THSD4: variants seen among roughly 807,000 people sequenced by gnomAD.
The protein encoded by THSD4 is thrombospondin type-1 domain-containing protein 4.
A neutral mutation model predicts 119.0 loss-of-function variants in THSD4; 69 were observed. The observed-to-expected ratio is 0.58, with a 90% CI of 0.48 to 0.71. THSD4 has a LOEUF of 0.71. Among genes scored for constraint, THSD4 ranks in the 30% least tolerant of loss-of-function variants. The pLI is 0.00. For missense variants in THSD4, 1,393 were observed against 1,391.1 expected (o/e 1.00, Z -0.02); for synonymous variants, 524 against 540.4 (o/e 0.97, Z 0.42).
intron 8 of THSD4, among the ~76,000 whole-genome samples, chr15:71,701,234 A>C (rs2052283001): frequency 6.6e-6 from 1 of 152,240 alleles, no homozygotes; most frequent in South Asian, 2.1e-4. Context: ...CCCAGGGGAA[A>C]AAGTACCAAT....
chr15:71,559,522 A>G (rs1409718560), intron 7 of THSD4, among the ~76,000 whole-genome samples: 2 of 151,092 alleles, frequency 1.3e-5, no homozygotes, highest in African/African-American at 4.9e-5. Flanking sequence ...TCAATCTGCC[A>G]TCTTGACCCT....
At chr15:71,730,918 A>C in intron 9 of THSD4, 1 of 559,408 alleles carries the variant, frequency 1.8e-6, no homozygotes, top group Non-Finnish European at 3.2e-6. Context: ...GCTCGGCCTA[A>C]GTTCTTCATT....
chr15:71,293,867 T>C (rs1289333788), intron 6 of THSD4, among the ~76,000 whole-genome samples: 1 of 152,116 alleles, frequency 6.6e-6, no homozygotes, highest in Non-Finnish European at 1.5e-5. Flanking sequence ...TCTAGGCTTT[T>C]GCTTCAGGCC....
At chr15:71,688,469 T>C (rs897245348) in intron 8 of THSD4, among the ~76,000 whole-genome samples, 44 of 152,208 alleles carry the variant, frequency 2.9e-4, no homozygotes, top group Admixed American at 7.9e-4. Context: ...AAAAGTAAAA[T>C]GCTAATGTGT....
intron 1 of THSD4, among the ~76,000 whole-genome samples, chr15:71,126,540 A>G (rs1360538010): frequency 6.6e-6 from 1 of 152,240 alleles, no homozygotes; most frequent in Non-Finnish European, 1.5e-5. Context: ...TAAAATGTCC[A>G]GGTTTCAATG....
At chr15:71,379,279 A>C (rs1228169000) in intron 6 of THSD4, among the ~76,000 whole-genome samples, 1 of 151,796 alleles carries the variant, frequency 6.6e-6, no homozygotes, top group East Asian at 1.9e-4. Flanking sequence ...TTCAGTTCTA[A>C]GGGGATTCTG....
intron 6 of THSD4, among the ~76,000 whole-genome samples, chr15:71,278,268 T>C (rs1475139185): frequency 6.6e-6 from 1 of 152,136 alleles, no homozygotes; most frequent in African/African-American, 2.4e-5. Flanking sequence ...TGATCATGGC[T>C]CATTGTAGCC....
intron 6 of THSD4, among the ~76,000 whole-genome samples, chr15:71,339,423 C>T (rs1395650321): frequency 6.6e-6 from 1 of 152,112 alleles, no homozygotes; most frequent in Non-Finnish European, 1.5e-5. Flanking sequence ...CTGTACTTTG[C>T]ACAAATGTCC....
chr15:71,572,883 G>A (rs1193008866), intron 7 of THSD4, among the ~76,000 whole-genome samples: 1 of 152,148 alleles, frequency 6.6e-6, no homozygotes, highest in Non-Finnish European at 1.5e-5. Flanking sequence ...GAGCCTGGCA[G>A]GGTTAGGTAT....
At chr15:71,198,710 GGAACCCC>G (rs1166266290) in intron 3 of THSD4, among the ~76,000 whole-genome samples, 1 of 152,136 alleles carries the variant, frequency 6.6e-6, no homozygotes, top group Non-Finnish European at 1.5e-5. Flanking sequence ...CTGGCATTCA[GGAACCCC>G]AGCTGGCATA....
At chr15:71,688,914 G>A (rs1336407955) in intron 8 of THSD4, among the ~76,000 whole-genome samples, 2 of 151,996 alleles carry the variant, frequency 1.3e-5, no homozygotes, top group African/African-American at 4.8e-5. Flanking sequence ...AGATGTTCCA[G>A]AACCACGTGC....
intron 6 of THSD4, among the ~76,000 whole-genome samples, chr15:71,362,715 T>A (rs1476718040): frequency 6.6e-6 from 1 of 152,222 alleles, no homozygotes; most frequent in Non-Finnish European, 1.5e-5. Context: ...GCTCTGGAGT[T>A]ACTGCCGACA....
intron 7 of THSD4, among the ~76,000 whole-genome samples, chr15:71,547,028 G>C (rs1335360825): frequency 1.3e-5 from 2 of 152,194 alleles, no homozygotes; most frequent in African/African-American, 4.8e-5. Flanking sequence ...CAGTGGACGA[G>C]GTAGGGGCTG....
At chr15:71,280,779 G>A (rs955956277) in intron 6 of THSD4, among the ~76,000 whole-genome samples, 2 of 152,170 alleles carry the variant, frequency 1.3e-5, no homozygotes, top group Non-Finnish European at 2.9e-5. Context: ...GGGACTGCGA[G>A]TTCCAGGACA....
chr15:71,097,303 G>A (rs780653715), intron 1 of THSD4, among the ~76,000 whole-genome samples: 6 of 152,100 alleles, frequency 3.9e-5, no homozygotes, highest in Non-Finnish European at 7.4e-5. Context: ...GGTGGTTGAC[G>A]CCTGTAATAC....
intron 7 of THSD4, among the ~76,000 whole-genome samples, chr15:71,595,952 C>T (rs918981901): frequency 6.6e-5 from 10 of 152,196 alleles, no homozygotes; most frequent in South Asian, 2.1e-4. Flanking sequence ...CACAGTTTTT[C>T]GCTGGTGACC....
intron 6 of THSD4, among the ~76,000 whole-genome samples, chr15:71,354,318 G>A (rs1220885918): frequency 6.6e-6 from 1 of 152,154 alleles, no homozygotes; most frequent in Non-Finnish European, 1.5e-5. Flanking sequence ...AGCTGATAAA[G>A]GAGACTGAGG....
At chr15:71,471,643 C>T (rs1411192228) in intron 7 of THSD4, among the ~76,000 whole-genome samples, 1 of 151,316 alleles carries the variant, frequency 6.6e-6, no homozygotes, top group Non-Finnish European at 1.5e-5. Flanking sequence ...ATGCCTGGCT[C>T]CACTTCCTGG....
intron 7 of THSD4, among the ~76,000 whole-genome samples, chr15:71,646,172 G>T (rs2050965056): frequency 1.3e-5 from 2 of 152,152 alleles, no homozygotes; most frequent in Admixed American, 1.3e-4. Context: ...TATTAAAATG[G>T]TAGTAAATAC....
Sources: allele counts gnomAD v4.1 joint callset (sites outside exome capture counted in the v4.1 genomes callset), GRCh38; gene constraint gnomAD v4.1.1; transcripts MANE v1.5; gene names NCBI Gene and HGNC (gene_info 2026-07-23, HGNC 2026-07-21).